The following SPMIP3 variants were observed in gnomAD, a reference collection of about 807,000 sequenced individuals.
SPMIP3 encodes the protein protein SPMIP3.
the SPMIP3 span, among the ~76,000 whole-genome samples, chr1:244,374,724 G>C: frequency 2.0e-5 from 3 of 149,086 alleles, no homozygotes; most frequent in Non-Finnish European, 4.4e-5. Flanking sequence ...AGCCTTCCCA[G>C]TAGCTGGGAT....
chr1:244,353,413 A>C, the SPMIP3 span, among the ~76,000 whole-genome samples: 144 of 152,272 alleles, frequency 9.5e-4, 1 homozygote, highest in African/African-American at 3.1e-3. Flanking sequence ...ACAACAACAA[A>C]AAACCCAGAT....
chr1:244,374,779 G>A, the SPMIP3 span, among the ~76,000 whole-genome samples: 1 of 151,300 alleles, frequency 6.6e-6, no homozygotes, highest in African/African-American at 2.4e-5. Context: ...TGTATTTTTA[G>A]TAGAGATGGG....
chr1:244,382,654 A>C, the SPMIP3 span, among the ~76,000 whole-genome samples: 2 of 120,330 alleles, frequency 1.7e-5, no homozygotes, highest in Non-Finnish European at 3.2e-5. Flanking sequence ...CCCAGGCTGG[A>C]GTGCAGTGGC....
chr1:244,361,457 G>A, the SPMIP3 span, among the ~76,000 whole-genome samples: 1 of 151,880 alleles, frequency 6.6e-6, no homozygotes, highest in Non-Finnish European at 1.5e-5. Flanking sequence ...TCAAACTCCA[G>A]ACCTCAAGTC....
the SPMIP3 span, among the ~76,000 whole-genome samples, chr1:244,356,791 AACTC>A: frequency 1.3e-5 from 2 of 152,222 alleles, no homozygotes; most frequent in Non-Finnish European, 2.9e-5. Flanking sequence ...CATAAATTAT[AACTC>A]ACTCAGTTAT....
the SPMIP3 span, among the ~76,000 whole-genome samples, chr1:244,386,003 A>AACACACACACAC: frequency 3.8e-4 from 55 of 145,754 alleles, no homozygotes; most frequent in African/African-American, 1.3e-3. Context: ...ATCTCTACAA[A>AACACACACACAC]ACACACACAC....
At chr1:244,378,667 T>C in the SPMIP3 span, 6 of 1,596,138 alleles carry the variant, frequency 3.8e-6, no homozygotes, top group Non-Finnish European at 5.1e-6. Context: ...CTCTTAACTC[T>C]CTGAGATTAA....
the SPMIP3 span, among the ~76,000 whole-genome samples, chr1:244,384,096 T>C: frequency 3.3e-5 from 5 of 152,172 alleles, no homozygotes; most frequent in Admixed American, 3.3e-4. Context: ...AAAAAATTCA[T>C]TTTGAAAATG....
chr1:244,373,478 C>T, the SPMIP3 span, among the ~76,000 whole-genome samples: 1 of 150,692 alleles, frequency 6.6e-6, no homozygotes, highest in Non-Finnish European at 1.5e-5. Flanking sequence ...ATAGCCTGGG[C>T]AACAGTGAGA....
the SPMIP3 span, among the ~76,000 whole-genome samples, chr1:244,357,566 G>A: frequency 1.8e-4 from 27 of 151,842 alleles, no homozygotes; most frequent in African/African-American, 5.1e-4. Flanking sequence ...AAAATTAGGC[G>A]AGCGTGGTAG....
chr1:244,355,570 T>C, the SPMIP3 span, among the ~76,000 whole-genome samples: 1 of 152,114 alleles, frequency 6.6e-6, no homozygotes, highest in Non-Finnish European at 1.5e-5. Flanking sequence ...GTGTTTTTAG[T>C]AGAGACAGAG....
the SPMIP3 span, among the ~76,000 whole-genome samples, chr1:244,361,228 TTTCTTTC>T: frequency 1.0e-5 from 1 of 95,700 alleles, no homozygotes; most frequent in Non-Finnish European, 2.3e-5. Context: ...CTTTTTTTTC[TTTCTTTC>T]TTTTTTTTTT....
At chr1:244,373,522 G>A in the SPMIP3 span, among the ~76,000 whole-genome samples, 1 of 150,198 alleles carries the variant, frequency 6.7e-6, no homozygotes, top group Non-Finnish European at 1.5e-5. Context: ...ACAAACAACA[G>A]CAAACCTCAC....
chr1:244,358,300 T>C, the SPMIP3 span, among the ~76,000 whole-genome samples: 1 of 151,884 alleles, frequency 6.6e-6, no homozygotes, highest in East Asian at 1.9e-4. Context: ...TAAATATGTA[T>C]GGGCCGGGCA....
chr1:244,369,037 T>C, the SPMIP3 span, among the ~76,000 whole-genome samples: 1 of 152,120 alleles, frequency 6.6e-6, no homozygotes, highest in Non-Finnish European at 1.5e-5. Context: ...CACACACCTG[T>C]AGTCCCAGCC....
At chr1:244,355,011 C>T in the SPMIP3 span, among the ~76,000 whole-genome samples, 2 of 152,328 alleles carry the variant, frequency 1.3e-5, no homozygotes, top group South Asian at 2.1e-4. Flanking sequence ...AATCACGTGT[C>T]TTTTGCTGAA....
At chr1:244,383,458 A>G in the SPMIP3 span, among the ~76,000 whole-genome samples, 1 of 152,116 alleles carries the variant, frequency 6.6e-6, no homozygotes, top group African/African-American at 2.4e-5. Context: ...TGCATGAGGT[A>G]TGATTATACT....
At chr1:244,383,689 G>C in the SPMIP3 span, among the ~76,000 whole-genome samples, 1,309 of 152,310 alleles carry the variant, frequency 8.6e-3, 23 homozygotes, top group African/African-American at 0.03. Flanking sequence ...TTCATAGAGA[G>C]TACAGCATGT....
the SPMIP3 span, chr1:244,364,619 T>C: frequency 7.7e-7 from 1 of 1,300,930 alleles, no homozygotes; most frequent in Non-Finnish European, 1.1e-6. Flanking sequence ...TTTGTGGTAC[T>C]AGATATCTCA....
Sources: gnomAD v4.1 joint callset for allele counts (sites outside exome capture counted in the v4.1 genomes callset) on GRCh38, gnomAD v4.1.1 for gene constraint, MANE v1.5 for transcripts, NCBI Gene and HGNC (gene_info 2026-07-23, HGNC 2026-07-21) for gene names.